FLT1: variants seen among roughly 807,000 people sequenced by gnomAD.
The protein encoded by FLT1 is vascular endothelial growth factor receptor 1.
In FLT1, 49 loss-of-function variants were observed where a neutral mutation model predicts 156.3. The observed-to-expected ratio is 0.31, with a 90% CI of 0.25 to 0.40. FLT1 has a LOEUF of 0.40. FLT1 is among the 10% of genes least tolerant of loss of function. FLT1 has a pLI of 1.00. For synonymous variants in FLT1, 594 were observed against 583.8 expected (o/e 1.02, Z -0.25); for missense variants, 1,322 against 1,637.2 (o/e 0.81, Z 3.32).
At chr13:28,350,215 G>A (rs576111056) in intron 15 of FLT1, among the ~76,000 whole-genome samples, 1 of 152,228 alleles carries the variant, frequency 6.6e-6, no homozygotes, top group African/African-American at 2.4e-5. Flanking sequence ...GCTCCCGCAT[G>A]ATGTGCGTGA....
At chr13:28,339,957 G>A (rs550041642) in intron 16 of FLT1, among the ~76,000 whole-genome samples, 44 of 152,336 alleles carry the variant, frequency 2.9e-4, no homozygotes, top group African/African-American at 9.6e-4. Context: ...GTGGTGGCCT[G>A]TAATCCCAGC....
At chr13:28,318,563 G>A (rs1250689790) in intron 24 of FLT1, among the ~76,000 whole-genome samples, 1 of 152,210 alleles carries the variant, frequency 6.6e-6, no homozygotes, top group Admixed American at 6.5e-5. Context: ...TGGGAGGCGT[G>A]CAGTGCTGGC....
chr13:28,361,817 C>T (rs532679856), intron 14 of FLT1, among the ~76,000 whole-genome samples: 1 of 152,236 alleles, frequency 6.6e-6, no homozygotes, highest in Admixed American at 6.5e-5. Flanking sequence ...GAGTAGGTGA[C>T]TGGAAAAGGT....
At chr13:28,378,530 G>C (rs1231645391) in intron 14 of FLT1, among the ~76,000 whole-genome samples, 7 of 152,168 alleles carry the variant, frequency 4.6e-5, no homozygotes, top group Non-Finnish European at 1.0e-4. Context: ...GCAGGCTTCA[G>C]AGTCAAATTC....
chr13:28,416,862 A>G (rs2147562), intron 10 of FLT1, among the ~76,000 whole-genome samples: 145,795 of 152,278 alleles, frequency 0.96, 70,006 homozygotes, highest in East Asian at 1. Context: ...ATCATCTTAT[A>G]TAATTTTCAA....
At chr13:28,468,236 G>GAAAGGA in intron 1 of FLT1, among the ~76,000 whole-genome samples, 1 of 152,246 alleles carries the variant, frequency 6.6e-6, no homozygotes, top group African/African-American at 2.4e-5. Flanking sequence ...TTTGTCTTAC[G>GAAAGGA]TAATCTATGA....
At chr13:28,370,079 G>A (rs187915162) in intron 14 of FLT1, among the ~76,000 whole-genome samples, 33 of 152,128 alleles carry the variant, frequency 2.2e-4, no homozygotes, top group African/African-American at 7.2e-4. Context: ...GCATGTGCCT[G>A]TAGTTCCAGC....
At chr13:28,492,968 A>T (rs1016304216) in intron 1 of FLT1, among the ~76,000 whole-genome samples, 3 of 152,126 alleles carry the variant, frequency 2.0e-5, no homozygotes, top group African/African-American at 7.2e-5. Context: ...AGAAATTCAG[A>T]GTTGCAAAAC....
At chr13:28,405,316 C>G (rs990263769) in intron 11 of FLT1, among the ~76,000 whole-genome samples, 1 of 152,128 alleles carries the variant, frequency 6.6e-6, no homozygotes, top group African/African-American at 2.4e-5. Flanking sequence ...TGATATTTCA[C>G]AAAATAGAAA....
chr13:28,330,783 G>A (rs912916225), intron 18 of FLT1, among the ~76,000 whole-genome samples: 8 of 151,182 alleles, frequency 5.3e-5, no homozygotes, highest in South Asian at 2.1e-4. Context: ...GTGCGATCTC[G>A]GCTCCCTGCA....
At chr13:28,453,570 C>T (rs770625934) in intron 3 of FLT1, among the ~76,000 whole-genome samples, 7 of 152,264 alleles carry the variant, frequency 4.6e-5, no homozygotes, top group Non-Finnish European at 1.0e-4. Flanking sequence ...GTGGGTTTTG[C>T]AAGCCAAATA....
At chr13:28,476,407 A>C (rs1232933835) in intron 1 of FLT1, among the ~76,000 whole-genome samples, 3 of 152,200 alleles carry the variant, frequency 2.0e-5, no homozygotes, top group Non-Finnish European at 4.4e-5. Context: ...TACATGGGCA[A>C]CTTTACAAAT....
chr13:28,316,767 T>C (rs918217677), intron 25 of FLT1, among the ~76,000 whole-genome samples: 5 of 151,358 alleles, frequency 3.3e-5, no homozygotes, highest in African/African-American at 7.3e-5. Context: ...GCCTCCCAAG[T>C]AGCTGCCACC....
chr13:28,306,618 C>A, intron 29 of FLT1, 60 bp downstream of exon 29: 2 of 1,174,690 alleles, frequency 1.7e-6, no homozygotes, highest in South Asian at 2.5e-5. Context: ...CCACCTTCCC[C>A]CAGCATCTCC....
chr13:28,357,756 G>A (rs917178507), intron 14 of FLT1, 71 bp from the exon 15 acceptor site: 4 of 1,383,758 alleles, frequency 2.9e-6, no homozygotes, highest in South Asian at 2.3e-5. Context: ...CTGTAACACA[G>A]CCTTCTTCCT....
chr13:28,447,665 A>G (rs533656496), intron 3 of FLT1, among the ~76,000 whole-genome samples: 4 of 152,244 alleles, frequency 2.6e-5, no homozygotes, highest in Middle Eastern at 3.4e-3. Context: ...AAGGTAACCC[A>G]AAGAATGGGA....
At chr13:28,444,674 G>A (rs1010881353) in intron 3 of FLT1, among the ~76,000 whole-genome samples, 1 of 152,178 alleles carries the variant, frequency 6.6e-6, no homozygotes, top group Admixed American at 6.5e-5. Context: ...AAAGTATGTT[G>A]TCTGAATACA....
At chr13:28,313,665 C>G (rs1357326264) in intron 25 of FLT1, among the ~76,000 whole-genome samples, 1 of 152,108 alleles carries the variant, frequency 6.6e-6, no homozygotes. Context: ...TAACTCTGCT[C>G]CTTCTGTGAA....
intron 29 of FLT1, 41 bp downstream of exon 29, chr13:28,306,637 C>G: frequency 7.3e-7 from 1 of 1,363,470 alleles, no homozygotes; most frequent in East Asian, 2.3e-5. Flanking sequence ...CCCCTCGTAC[C>G]CCTCCATCAA....
Sources: gnomAD v4.1 joint callset for allele counts (sites outside exome capture counted in the v4.1 genomes callset) on GRCh38, gnomAD v4.1.1 for gene constraint, MANE v1.5 for transcripts, NCBI Gene and HGNC (gene_info 2026-07-23, HGNC 2026-07-21) for gene names.